The following CYP2C19 variants were observed in gnomAD, a reference collection of about 807,000 sequenced individuals.
CYP2C19 encodes the protein cytochrome P450 2C19.
Under a neutral mutation model 40.9 loss-of-function variants are expected in CYP2C19, and 59 were observed. The ratio of observed to expected loss-of-function variants is 1.44; its 90% CI spans 1.17 to 1.79. CYP2C19 has a LOEUF of 1.79. CYP2C19 is among the 40% of genes most tolerant of loss of function. The pLI, the probability that CYP2C19 is intolerant of heterozygous loss-of-function variation, is 0.00. For missense variants in CYP2C19, 754 were observed against 596.9 expected, an observed-to-expected ratio of 1.26 and a Z score of -2.74; for synonymous variants, 253 against 208.7, an observed-to-expected ratio of 1.21 and a Z score of -1.83.
chr10:94,775,394 C>A lies in CYP2C19; in HGVS notation c.336C>A (p.Ile112=), dbSNP rs201723068. 4 of 1,613,834 alleles carry A rather than the reference C, an allele frequency of 2.5e-6. No individual in the cohort carries two copies. The African/African-American group carries it at 4.0e-5, about 16-fold the overall frequency. The part of the protein sequence containing the change: ...LAERANRGFG[I]VFSNGKRWKE... Reference sequence around the variant, plus strand: ...TTTCGTTTCTCTTCCTGTTAGGAATCGTTTTCAGCAATGGAAAGAGATGGA... The same window carrying A: ...TTTCGTTTCTCTTCCTGTTAGGAATAGTTTTCAGCAATGGAAAGAGATGGA... The change falls in exon 3 of 9, where the codon ATC becomes ATA. Residue 112 remains isoleucine, a synonymous_variant. Coordinates refer to ENST00000371321, the MANE Select transcript of CYP2C19 (RefSeq NM_000769.4).
Position 94,853,453 on chromosome 10 carries a change from A to C in CYP2C19, c.*539A>C, listed in dbSNP as rs1411909607. 1.3e-5 allele frequency among the ~76,000 whole-genome samples: 2 copies of C among 152,146 alleles called. No homozygotes were observed. Among genetic ancestry groups the C allele is most frequent in the African/African-American group, 4.8e-5 (2 of 41,420 alleles). ...CATGAGGATTGGATTTGAAAGTGAG[A>C]AACTGTGTCCAGGAGCAGCTCCAAC... On this transcript the variant is annotated 3_prime_UTR_variant, in exon 9 of 9. Coordinates refer to ENST00000371321, the MANE Select transcript of CYP2C19 (RefSeq NM_000769.4).
At chr10:94,773,526 C>T (rs1848363974) in intron 1 of CYP2C19, among the ~76,000 whole-genome samples, 1 of 152,118 alleles carries the variant, frequency 6.6e-6, no homozygotes, top group African/African-American at 2.4e-5. Context: ...AAGCCACAGA[C>T]CTTCTCAGTG....
At chr10:94,780,687 A>G (rs1186431029) in intron 4 of CYP2C19, 28 bp downstream of exon 4, 1 of 1,612,654 alleles carries the variant, frequency 6.2e-7, no homozygotes, top group East Asian at 2.2e-5. Context: ...GCTTCCTGAG[A>G]AACCACTTAC....
chr10:94,771,204 G>A (rs1471049359), intron 1 of CYP2C19, among the ~76,000 whole-genome samples: 4 of 152,030 alleles, frequency 2.6e-5, no homozygotes, highest in Admixed American at 1.3e-4. Context: ...CTTGAAGGGG[G>A]CATAACTGAT....
chr10:94,829,075 T>G (rs1448021743), intron 6 of CYP2C19, among the ~76,000 whole-genome samples: 1 of 152,148 alleles, frequency 6.6e-6, no homozygotes, highest in Non-Finnish European at 1.5e-5. Context: ...AACCCGACCT[T>G]TCTCTCTGGC....
intron 6 of CYP2C19, among the ~76,000 whole-genome samples, chr10:94,840,100 A>G (rs1464614291): frequency 6.6e-6 from 1 of 152,066 alleles, no homozygotes; most frequent in Admixed American, 6.6e-5. Context: ...TACCGACTGA[A>G]TGCATTTGGC....
chr10:94,825,966 G>A (rs1849212889), intron 6 of CYP2C19, among the ~76,000 whole-genome samples: 1 of 150,750 alleles, frequency 6.6e-6, no homozygotes, highest in South Asian at 2.1e-4. Flanking sequence ...TCAGATAGTT[G>A]TAGATATGTG....
intron 6 of CYP2C19, among the ~76,000 whole-genome samples, chr10:94,840,026 G>T (rs953853845): frequency 3.3e-5 from 5 of 151,854 alleles, no homozygotes; most frequent in African/African-American, 1.2e-4. Flanking sequence ...GAACTGGTGA[G>T]GTGTGCTCAC....
intron 6 of CYP2C19, among the ~76,000 whole-genome samples, chr10:94,840,782 G>T (rs1194769613): frequency 6.6e-6 from 1 of 152,204 alleles, no homozygotes; most frequent in Admixed American, 6.5e-5. Context: ...AGTGGAAGCT[G>T]GCTCCAGGCA....
At chr10:94,780,427 A>T in intron 3 of CYP2C19, 72 bp from the exon 4 acceptor site, 1 of 1,568,776 alleles carries the variant, frequency 6.4e-7, no homozygotes, top group Non-Finnish European at 8.7e-7. Flanking sequence ...AACTATTATT[A>T]TCTGTTAACA....
At chr10:94,779,344 C>G (rs1848452447) in intron 3 of CYP2C19, among the ~76,000 whole-genome samples, 1 of 151,996 alleles carries the variant, frequency 6.6e-6, no homozygotes, top group African/African-American at 2.4e-5. Flanking sequence ...TTTCAGAGAT[C>G]CTCCACCAAA....
At position 94,855,313 on chromosome 10, in the gene CYP2C19, T is replaced by C. The variant is rs1849714543; in HGVS notation, c.*2399T>C. The stretch of plus-strand genomic sequence containing the variant: ...CACTGATGATCTGTTAAGCATCTTG[T>C]TCAAGGTCACACAGCTTTTTAAGTG... On this transcript the variant is annotated 3_prime_UTR_variant, in exon 9 of 9. Coordinates refer to ENST00000371321, the MANE Select transcript of CYP2C19 (RefSeq NM_000769.4). 6.6e-6 allele frequency among the ~76,000 whole-genome samples: 1 copy of C among 152,238 alleles called. No individual in the cohort carries two copies. Among genetic ancestry groups the C allele is most frequent in the South Asian group, 2.1e-4 (1 of 4,832 alleles).
rs1192017875 is a variant in CYP2C19, at chr10:94,854,434, G to A, written c.*1520G>A. ...TTATGCTATTGTCCTAATATAATTA[G>A]CCTCATGTCATCTCCAAAGCATAGA... On this transcript the variant is annotated 3_prime_UTR_variant, in exon 9 of 9. Transcript: ENST00000371321. Among the ~76,000 whole-genome samples the A allele has an allele frequency of 1.3e-5, 2 of 151,978 alleles. No individual in the cohort carries two copies. The highest frequency in any genetic ancestry group is 2.1e-4 in the South Asian group (1 of 4,810).
intron 5 of CYP2C19, among the ~76,000 whole-genome samples, chr10:94,807,580 A>G (rs1276450008): frequency 6.6e-6 from 1 of 152,078 alleles, no homozygotes; most frequent in Non-Finnish European, 1.5e-5. Context: ...GATGATAGCA[A>G]TTCTAACTGG....
chr10:94,805,716 T>G (rs537312129), intron 5 of CYP2C19, among the ~76,000 whole-genome samples: 48 of 152,286 alleles, frequency 3.2e-4, no homozygotes, highest in Middle Eastern at 3.4e-3. Context: ...AAACCCTGTC[T>G]CTACCAACAA....
In CYP2C19 at chr10:94,785,338, T is replaced by C. The variant is rs141115527; in HGVS notation, c.819+3341T>C. 3.3e-5 allele frequency among the ~76,000 whole-genome samples: 5 copies of C among 152,236 alleles called. No individual in the cohort carries two copies. The South Asian group carries it at 6.2e-4, about 19-fold the overall frequency. On this transcript the variant is annotated intron_variant, in intron 5 of 8. Transcript: ENST00000371321. ...TCCATTTTTCAGTTATATTTTTCATTTGGAGTGAGGTAGGGTAGGTCCCAG... is the reference window on the plus strand; with the variant it reads ...TCCATTTTTCAGTTATATTTTTCATCTGGAGTGAGGTAGGGTAGGTCCCAG...
chr10:94,810,936 G>C (rs1848913439), intron 5 of CYP2C19, among the ~76,000 whole-genome samples: 1 of 152,106 alleles, frequency 6.6e-6, no homozygotes, highest in South Asian at 2.1e-4. Context: ...GTTTGAATTT[G>C]TTTGCTCTTG....
At chr10:94,799,865 A>T (rs1348960108) in intron 5 of CYP2C19, among the ~76,000 whole-genome samples, 2 of 152,042 alleles carry the variant, frequency 1.3e-5, no homozygotes, top group East Asian at 3.9e-4. Flanking sequence ...CAGGTCATTT[A>T]AGGTCTTCTC....
In CYP2C19 at chr10:94,800,500, A is replaced by C. The variant is rs142158075; in HGVS notation, c.819+18503A>C. Among the ~76,000 whole-genome samples the C allele has an allele frequency of 8.9e-3, 1,363 of 152,296 alleles. 22 individuals are homozygous for C. The highest frequency in any genetic ancestry group is 0.03 in the African/African-American group (1,237 of 41,566). ...GGTTCAGGTACCCACTTGAGGTGGC[A>C]GTCTGTCTGTTCTCAGAGCTCAAAC... On this transcript the variant is annotated intron_variant, in intron 5 of 8. Coordinates refer to ENST00000371321, the MANE Select transcript of CYP2C19 (RefSeq NM_000769.4).
Sources: allele counts gnomAD v4.1 joint callset (sites outside exome capture counted in the v4.1 genomes callset), GRCh38; gene constraint gnomAD v4.1.1; transcripts MANE v1.5; gene names NCBI Gene and HGNC (gene_info 2026-07-23, HGNC 2026-07-21).